TFB1M: variants seen among roughly 807,000 people sequenced by gnomAD.
TFB1M encodes the protein transcription factor B1, mitochondrial, also known as dimethyladenosine transferase 1, mitochondrial.
A neutral mutation model predicts 31.1 loss-of-function variants in TFB1M; 27 were observed. That is an observed-to-expected ratio of 0.87 (90% CI 0.64 to 1.20). The LOEUF (loss-of-function observed/expected upper bound fraction) is 1.20, where lower values mean the gene tolerates loss of function less well. Among genes scored for constraint, TFB1M ranks in the 50% most tolerant of loss-of-function variants. The pLI is 0.00. For synonymous variants in TFB1M, 166 were observed against 151.8 expected (o/e 1.09, Z -0.69); for missense variants, 394 against 418.7 (o/e 0.94, Z 0.51).
the TFB1M span, chr6:155,250,450 A>G: frequency 2.8e-6 from 3 of 1,067,256 alleles, no homozygotes; most frequent in Admixed American, 7.7e-5. Flanking sequence ...GAAGTAGCAT[A>G]GTTTAGGGAG....
rs1044216429 is a variant in TFB1M, at chr6:155,260,643, G to A, written c.667-243C>T. Reference sequence around the variant, plus strand: ...AATGACATCCACCAGACCTGTGCTTGATGGTCACTTAATTTTAAAACACAG... The same window carrying A: ...AATGACATCCACCAGACCTGTGCTTAATGGTCACTTAATTTTAAAACACAG... On this transcript the variant is annotated intron_variant, in intron 5 of 6. Transcript: ENST00000367166. 2.0e-5 allele frequency: 11 copies of A among 554,910 alleles called. 1 individual carries two copies. Among genetic ancestry groups the A allele is most frequent in the South Asian group, 1.6e-4 (8 of 50,764 alleles). The allele number at this position is 554,910 out of a possible 1,614,324, so 34.4% of individuals were successfully genotyped here. A position where few individuals can be genotyped will look rare whatever the true frequency, so the allele number is the denominator to read the frequency against.
chr6:155,284,596 GT>G (rs1554254575), intron 5 of TFB1M, among the ~76,000 whole-genome samples: 1 of 152,070 alleles, frequency 6.6e-6, no homozygotes, highest in Non-Finnish European at 1.5e-5. Context: ...ACAGACAACG[GT>G]TTTTTTAATT....
intron 5 of TFB1M, chr6:155,275,603 C>T: frequency 9.1e-7 from 1 of 1,103,278 alleles, no homozygotes. Flanking sequence ...CTGGTTTTGC[C>T]TTTTTTCCTT....
chr6:155,230,494 T>C, the TFB1M span, among the ~76,000 whole-genome samples: 1,410 of 152,084 alleles, frequency 9.3e-3, 24 homozygotes, highest in African/African-American at 0.032. Flanking sequence ...CTGGTCACCT[T>C]TGAATGACTT....
intron 5 of TFB1M, among the ~76,000 whole-genome samples, chr6:155,270,598 G>A (rs916284037): frequency 5.3e-5 from 8 of 152,112 alleles, no homozygotes; most frequent in African/African-American, 1.9e-4. Flanking sequence ...TAATCAACAT[G>A]TTTTGAGAAT....
the TFB1M span, chr6:155,245,754 A>AT: frequency 1.8e-4 from 102 of 562,778 alleles, no homozygotes; most frequent in Non-Finnish European, 2.3e-4. Context: ...TGCCTTTTAT[A>AT]GTTTTTTTTT....
downstream of TFB1M, chr6:155,253,042 G>A (rs774403110): frequency 6.2e-7 from 1 of 1,613,888 alleles, no homozygotes; most frequent in South Asian, 1.1e-5. Flanking sequence ...GTCAGACTGG[G>A]GAATCCAGCA....
the TFB1M span, among the ~76,000 whole-genome samples, chr6:155,246,431 T>C: frequency 3.3e-5 from 5 of 152,200 alleles, no homozygotes; most frequent in African/African-American, 1.2e-4. Context: ...CTTTAGACAG[T>C]TGCTGAACTC....
downstream of TFB1M, chr6:155,254,644 G>A: frequency 6.4e-7 from 1 of 1,554,178 alleles, no homozygotes. Flanking sequence ...ATATGCTCTT[G>A]TAACATAGCT....
At chr6:155,254,359 G>C (rs188544926), downstream of TFB1M, 702 of 1,582,192 alleles carry the variant, frequency 4.4e-4, 3 homozygotes, top group Middle Eastern at 2.0e-3. Flanking sequence ...GGCGGGCGTG[G>C]AATGGAAGCA....
intron 3 of TFB1M, 121 bp downstream of exon 3, chr6:155,298,356 C>A (rs1300012651): frequency 1.5e-6 from 1 of 652,690 alleles, no homozygotes; most frequent in Non-Finnish European, 2.7e-6. Context: ...TTATTTAATT[C>A]TGTTCAGATA....
At chr6:155,305,488 TATAAATATATATTAAA>T (rs1329419748) in intron 2 of TFB1M, among the ~76,000 whole-genome samples, 1 of 36,240 alleles carries the variant, frequency 2.8e-5, no homozygotes, top group African/African-American at 1.2e-4. Flanking sequence ...AAATTATATA[TATAAATATATATTAAA>T]TTATATATTT....
chr6:155,290,294 T>C (rs1274916571), intron 4 of TFB1M, among the ~76,000 whole-genome samples: 1 of 149,560 alleles, frequency 6.7e-6, no homozygotes, highest in Non-Finnish European at 1.5e-5. Context: ...GCTGAGGCAG[T>C]TGAATGGCAT....
chr6:155,264,985 G>A lies in TFB1M; in HGVS notation c.667-4585C>T, dbSNP rs564429780. 5.3e-5 allele frequency among the ~76,000 whole-genome samples: 8 copies of A among 152,296 alleles called. No homozygotes were observed. The South Asian group carries it at 1.7e-3, about 32-fold the overall frequency. On this transcript the variant is annotated intron_variant, in intron 5 of 6. Transcript: ENST00000367166. ...CAAGAACTGACAATTGTTGTATAAA[G>A]GTTTTCTGTTACATTTAATCTGGAG...
the TFB1M span, among the ~76,000 whole-genome samples, chr6:155,237,964 G>A: frequency 6.6e-6 from 1 of 152,238 alleles, no homozygotes; most frequent in African/African-American, 2.4e-5. Context: ...TCTGCAGCCA[G>A]CTTAGATTTC....
chr6:155,233,127 T>C, the TFB1M span, among the ~76,000 whole-genome samples: 1 of 152,184 alleles, frequency 6.6e-6, no homozygotes, highest in Non-Finnish European at 1.5e-5. Flanking sequence ...ACGTATTTCA[T>C]GCAGTAGCTA....
intron 5 of TFB1M, among the ~76,000 whole-genome samples, chr6:155,279,837 G>A (rs1170167071): frequency 6.6e-6 from 1 of 152,108 alleles, no homozygotes; most frequent in African/African-American, 2.4e-5. Context: ...AGCATGCCTA[G>A]TACTGAATTA....
intron 4 of TFB1M, among the ~76,000 whole-genome samples, chr6:155,287,973 C>T (rs907645117): frequency 6.6e-6 from 1 of 152,170 alleles, no homozygotes; most frequent in African/African-American, 2.4e-5. Context: ...AGACACAGTG[C>T]TTTCTGAGCT....
the TFB1M span, chr6:155,232,411 T>C: frequency 6.6e-6 from 1 of 152,358 alleles, no homozygotes; most frequent in African/African-American, 2.4e-5. Context: ...CTGGGAATAT[T>C]GTAAGTGCTC....
Sources: allele counts gnomAD v4.1 joint callset (sites outside exome capture counted in the v4.1 genomes callset), GRCh38; gene constraint gnomAD v4.1.1; transcripts MANE v1.5; gene names NCBI Gene and HGNC (gene_info 2026-07-23, HGNC 2026-07-21).